NANOS3: variants seen among roughly 807,000 people sequenced by gnomAD.
The protein encoded by NANOS3 is nanos homolog 3.
A neutral mutation model predicts 13.8 loss-of-function variants in NANOS3; 11 were observed. The observed-to-expected ratio is 0.80, with a 90% CI of 0.50 to 1.32. The LOEUF is 1.32. Among genes scored for constraint, NANOS3 ranks in the 40% most tolerant of loss-of-function variants. The pLI, the probability that NANOS3 is intolerant of heterozygous loss-of-function variation, is 0.00. For missense variants in NANOS3, 221 were observed against 263.8 expected (o/e 0.84, Z 1.12); for synonymous variants, 119 against 115.4 (o/e 1.03, Z -0.20).
At chr19:13,865,039 C>T (rs952149051), upstream of NANOS3, among the ~76,000 whole-genome samples, 11 of 152,102 alleles carry the variant, frequency 7.2e-5, no homozygotes, top group Non-Finnish European at 1.2e-4. Context: ...CCCCGTGTCC[C>T]TGATTCCCCC....
upstream of NANOS3, among the ~76,000 whole-genome samples, chr19:13,865,237 C>A: frequency 7.0e-6 from 1 of 142,226 alleles, no homozygotes; most frequent in East Asian, 2.2e-4. Flanking sequence ...GACAGGCGGG[C>A]GGGCGGCGGC....
At chr19:13,873,830 C>T (rs989442962), upstream of NANOS3, among the ~76,000 whole-genome samples, 1 of 151,772 alleles carries the variant, frequency 6.6e-6, no homozygotes, top group Non-Finnish European at 1.5e-5. Context: ...GGCGCGCTCG[C>T]CCATCCCTGG....
Position 13,880,664 on chromosome 19 carries a change from C to T in NANOS3, c.*161C>T, listed in dbSNP as rs575970103. ...AAGGGAAGAGCTGAAATCGCCCTGT[C>T]CTTGGGGACCCCACCCTTTGTGCCA... On this transcript the variant is annotated 3_prime_UTR_variant, in exon 2 of 2. Coordinates refer to ENST00000339133, the MANE Select transcript of NANOS3 (RefSeq NM_001098622.3). 1.6e-6 allele frequency: 1 copy of T among 628,394 alleles called. No homozygotes were observed. Among genetic ancestry groups the T allele is most frequent in the South Asian group, 1.9e-5 (1 of 52,140 alleles). 38.9% of individuals were successfully genotyped at this position (628,394 alleles called of 1,614,324 possible). A position where few individuals can be genotyped will look rare whatever the true frequency, so the allele number is the denominator to read the frequency against.
chr19:13,862,162 CAAG>C (rs1215142067), upstream of NANOS3: 4 of 152,500 alleles, frequency 2.6e-5, no homozygotes, highest in East Asian at 7.7e-4. Flanking sequence ...TGCGTTGCAG[CAAG>C]AAGGAGAGTT....
At chr19:13,874,790 G>A, upstream of NANOS3, 1 of 533,698 alleles carries the variant, frequency 1.9e-6, no homozygotes, top group Non-Finnish European at 3.9e-6. Context: ...TGGACCCTGA[G>A]GCCTGGAATT....
upstream of NANOS3, among the ~76,000 whole-genome samples, chr19:13,862,916 G>C (rs1012912241): frequency 1.3e-5 from 2 of 152,246 alleles, no homozygotes; most frequent in African/African-American, 2.4e-5. Context: ...TCTGTGGAAA[G>C]GGCAGTATTC....
At chr19:13,864,166 T>A (rs1599295857), upstream of NANOS3, among the ~76,000 whole-genome samples, 1 of 151,288 alleles carries the variant, frequency 6.6e-6, no homozygotes, top group Non-Finnish European at 1.5e-5. Flanking sequence ...TCAGCCAGGG[T>A]ACGATCATTC....
At chr19:13,878,053 C>T (rs1429873204) in intron 1 of NANOS3, among the ~76,000 whole-genome samples, 1 of 151,608 alleles carries the variant, frequency 6.6e-6, no homozygotes, top group African/African-American at 2.4e-5. Flanking sequence ...GGATTATAGG[C>T]GCGCGCCACC....
chr19:13,864,223 C>T (rs936415433), upstream of NANOS3, among the ~76,000 whole-genome samples: 1 of 152,008 alleles, frequency 6.6e-6, no homozygotes, highest in African/African-American at 2.4e-5. Context: ...GGGGGGATGT[C>T]TGGGGAGGAG....
At chr19:13,865,842 G>T (rs1976229433) in intron 1 of NANOS3, among the ~76,000 whole-genome samples, 1 of 151,286 alleles carries the variant, frequency 6.6e-6, no homozygotes, top group Non-Finnish European at 1.5e-5. Flanking sequence ...GGAGGCCACG[G>T]GCCGGGGCGG....
chr19:13,865,761 G>A (rs1402146692), intron 1 of NANOS3, among the ~76,000 whole-genome samples: 2 of 151,214 alleles, frequency 1.3e-5, no homozygotes, highest in African/African-American at 4.8e-5. Context: ...ATGCCCTCGC[G>A]GGGCGGGGAC....
upstream of NANOS3, chr19:13,874,840 G>A (rs549353001): frequency 3.4e-5 from 18 of 526,472 alleles, no homozygotes; most frequent in East Asian, 1.0e-3. Flanking sequence ...CCAGATCTAG[G>A]GGGGCCTGGG....
chr19:13,863,566 G>A (rs552223556), upstream of NANOS3, among the ~76,000 whole-genome samples: 9 of 151,980 alleles, frequency 5.9e-5, no homozygotes, highest in Admixed American at 1.3e-4. Context: ...GGGGGCGGGC[G>A]GCACAGGAGG....
Position 13,877,543 on chromosome 19 carries a change from G to A in NANOS3, c.295G>A (p.Ala99Thr), listed in dbSNP as rs1264618250. The change falls in exon 1 of 2, where the codon GCT (alanine) becomes ACT (threonine). Residue 99 changes from alanine (A) to threonine (T), a missense_variant. This residue lies in a region of NANOS3 where 49 missense variants were observed against 91.0 expected (regional missense o/e 0.54). Coordinates refer to ENST00000339133, the MANE Select transcript of NANOS3 (RefSeq NM_001098622.3). ...IYQSHVLKDE[A>T]GRVLCPILRD... is the part of the protein sequence containing the mutation. ...CCAGTCCCACGTGCTGAAGGACGAG[G>A]CTGGCAGGGTGCTGTGTCCCATCCT... 1.2e-6 allele frequency: 2 copies of A among 1,612,244 alleles called. No individual in the cohort carries two copies. Among genetic ancestry groups the A allele is most frequent in the African/African-American group, 1.3e-5 (1 of 74,948 alleles).
At chr19:13,862,345 G>T (rs1169619483), upstream of NANOS3, among the ~76,000 whole-genome samples, 1 of 152,110 alleles carries the variant, frequency 6.6e-6, no homozygotes, top group African/African-American at 2.4e-5. Flanking sequence ...GAGGTGGCGG[G>T]GAGGAGGGGG....
upstream of NANOS3, among the ~76,000 whole-genome samples, chr19:13,863,728 G>A (rs1325781540): frequency 6.6e-6 from 1 of 152,112 alleles, no homozygotes. Context: ...GACTACAGCT[G>A]GCCCCTCTAA....
At chr19:13,879,423 T>C (rs527240123) in intron 1 of NANOS3, among the ~76,000 whole-genome samples, 1 of 152,266 alleles carries the variant, frequency 6.6e-6, no homozygotes, top group African/African-American at 2.4e-5. Context: ...TCAGGCAGCT[T>C]TGCAGTGAAC....
upstream of NANOS3, among the ~76,000 whole-genome samples, chr19:13,876,308 T>TTG (rs111824565): frequency 0.064 from 9,568 of 149,136 alleles, 367 homozygotes; most frequent in Middle Eastern, 0.12. Context: ...CCAGCTAATT[T>TTG]TGTGTGTGTG....
At chr19:13,873,486 G>A (rs1599302037), upstream of NANOS3, among the ~76,000 whole-genome samples, 1 of 151,814 alleles carries the variant, frequency 6.6e-6, no homozygotes, top group East Asian at 1.9e-4. Context: ...ATTTTTTTGC[G>A]ACGACGGGGT....
Sources: gnomAD v4.1 joint callset for allele counts (sites outside exome capture counted in the v4.1 genomes callset) on GRCh38, gnomAD v4.1.1 for gene constraint, gnomAD v4.1.1 regional missense constraint, MANE v1.5 for transcripts, NCBI Gene and HGNC (gene_info 2026-07-23, HGNC 2026-07-21) for gene names.